Variants in RSRC1 observed in about 807,000 individuals in gnomAD.
RSRC1 encodes serine/Arginine-related protein 53.
RSRC1 carries 39 observed loss-of-function variants against 49.1 expected under a neutral mutation model. The observed-to-expected ratio is 0.79, with a 90% CI of 0.61 to 1.04. The LOEUF (loss-of-function observed/expected upper bound fraction) is 1.04. Ranked by LOEUF, RSRC1 falls within the 50% of genes least tolerant of loss-of-function variation. RSRC1 has a pLI of 0.00. For missense variants in RSRC1, 388 were observed against 402.4 expected (o/e 0.96, Z 0.31); for synonymous variants, 143 against 130.8 (o/e 1.09, Z -0.63).
chr3:158,254,557 G>T (rs1274285838), intron 4 of RSRC1, among the ~76,000 whole-genome samples: 1 of 151,784 alleles, frequency 6.6e-6, no homozygotes. Flanking sequence ...TCACCCTCCC[G>T]AGTAGCTGGG....
At chr3:158,443,171 C>T (rs745781216) in intron 6 of RSRC1, among the ~76,000 whole-genome samples, 1 of 152,094 alleles carries the variant, frequency 6.6e-6, no homozygotes, top group Non-Finnish European at 1.5e-5. Context: ...AGCTTAAAGT[C>T]ACCAGCTGCG....
At chr3:158,262,013 A>G (rs1370505648) in intron 4 of RSRC1, among the ~76,000 whole-genome samples, 3 of 152,228 alleles carry the variant, frequency 2.0e-5, no homozygotes, top group East Asian at 3.8e-4. Flanking sequence ...CATCCATGGA[A>G]AAATCGTCTT....
chr3:158,146,259 G>A (rs1350447227), intron 3 of RSRC1, among the ~76,000 whole-genome samples: 1 of 152,180 alleles, frequency 6.6e-6, no homozygotes, highest in Non-Finnish European at 1.5e-5. Context: ...GATATTGGCT[G>A]TGGGTTTGTC....
intron 4 of RSRC1, among the ~76,000 whole-genome samples, chr3:158,264,410 T>C (rs1578260204): frequency 1.3e-5 from 2 of 152,222 alleles, no homozygotes; most frequent in African/African-American, 4.8e-5. Flanking sequence ...TCCTTTTAAA[T>C]GTATTTAGAC....
At chr3:158,238,369 T>C (rs919798498) in intron 4 of RSRC1, among the ~76,000 whole-genome samples, 1 of 152,222 alleles carries the variant, frequency 6.6e-6, no homozygotes, top group Non-Finnish European at 1.5e-5. Flanking sequence ...AAAACTACTT[T>C]AAAGTTCATA....
At chr3:158,172,146 A>G (rs942079362) in intron 3 of RSRC1, among the ~76,000 whole-genome samples, 22 of 152,326 alleles carry the variant, frequency 1.4e-4, no homozygotes, top group African/African-American at 4.6e-4. Flanking sequence ...TGTAGAAAAC[A>G]TTTGAAGAAG....
At chr3:158,457,743 T>TGA (rs1560051404) in intron 6 of RSRC1, among the ~76,000 whole-genome samples, 2 of 123,996 alleles carry the variant, frequency 1.6e-5, no homozygotes, top group African/African-American at 7.1e-5. Flanking sequence ...TTTTTTTGTT[T>TGA]TTTTTTTTTG....
At position 158,396,646 on chromosome 3, in the gene RSRC1, CTA is replaced by C. The variant is rs572469973; in HGVS notation, c.583+41740_583+41741del. On this transcript the variant is annotated intron_variant, in intron 6 of 9. Transcript: ENST00000611884. ...TAATGGCAAGACATACAAGAATTCT[CTA>C]TGGCAAACTGTAGTGCCGTGGTATG... Among the ~76,000 whole-genome samples, 799 of 152,174 alleles carry C rather than the reference CTA, an allele frequency of 5.3e-3. 2 individuals are homozygous for C. Among genetic ancestry groups the C allele is most frequent in the Non-Finnish European group, 9.5e-3 (644 of 67,986 alleles).
At position 158,225,599 on chromosome 3, in the gene RSRC1, C is replaced by T. The variant is rs16828806; in HGVS notation, c.494+22354C>T. ...TGGAGGCAATTAAAAGTTATAAAGA[C>T]GGATTAAAGTAGAAGCATCATAGGT... On this transcript the variant is annotated intron_variant, in intron 4 of 9. Transcript: ENST00000611884. 1,367 of 383,426 alleles carry T rather than the reference C, an allele frequency of 3.6e-3. 22 individuals carry two copies. The highest frequency in any genetic ancestry group is 0.026 in the African/African-American group (1,193 of 46,126). 23.8% of individuals were successfully genotyped at this position (383,426 alleles called of 1,614,324 possible).
intron 4 of RSRC1, among the ~76,000 whole-genome samples, chr3:158,288,316 G>C (rs1162677451): frequency 1.3e-5 from 2 of 152,050 alleles, no homozygotes; most frequent in Non-Finnish European, 2.9e-5. Context: ...TAACACATCT[G>C]ATCATTTTTC....
chr3:158,264,899 T>A (rs1725084840), intron 4 of RSRC1, among the ~76,000 whole-genome samples: 1 of 152,250 alleles, frequency 6.6e-6, no homozygotes. Flanking sequence ...CACCAGGCAG[T>A]AATCTCCAAT....
intron 1 of RSRC1, among the ~76,000 whole-genome samples, chr3:158,114,687 T>C (rs1413303426): frequency 6.6e-6 from 1 of 152,180 alleles, no homozygotes; most frequent in African/African-American, 2.4e-5. Flanking sequence ...GAGCAGTGGT[T>C]TGTAGTTCTC....
Position 158,545,422 on chromosome 3 carries a change from A to C in RSRC1, c.*1147A>C, listed in dbSNP as rs944291816. On this transcript the variant is annotated 3_prime_UTR_variant, in exon 10 of 10. Transcript: ENST00000611884. ...TTCACCATTTTAGCCAGGATGGTCT[A>C]TTTTCTTCTGTTGTCCAGTCACTAA... The C allele has an allele frequency of 6.6e-6, 1 of 151,492 alleles. No individual in the cohort carries two copies. Among genetic ancestry groups the C allele is most frequent in the East Asian group, 1.9e-4 (1 of 5,160 alleles). 9.4% of individuals were successfully genotyped at this position (151,492 alleles called of 1,614,324 possible).
chr3:158,507,266 T>A (rs1245994577), intron 7 of RSRC1, among the ~76,000 whole-genome samples: 2 of 152,072 alleles, frequency 1.3e-5, no homozygotes, highest in African/African-American at 4.8e-5. Flanking sequence ...AGAAGTTGGT[T>A]AAAGAGTACA....
chr3:158,470,334 AC>A (rs1738073860), intron 7 of RSRC1, among the ~76,000 whole-genome samples: 1 of 111,356 alleles, frequency 9.0e-6, no homozygotes, highest in African/African-American at 4.0e-5. Context: ...ACACACACAC[AC>A]ACACACACAC....
intron 7 of RSRC1, among the ~76,000 whole-genome samples, chr3:158,536,160 C>T (rs1712702599): frequency 6.6e-6 from 1 of 151,458 alleles, no homozygotes; most frequent in East Asian, 1.9e-4. Flanking sequence ...GTAGGAATGA[C>T]ACAGCGTCAC....
chr3:158,155,833 A>G (rs1332674443), intron 3 of RSRC1, among the ~76,000 whole-genome samples: 2 of 152,176 alleles, frequency 1.3e-5, no homozygotes, highest in Non-Finnish European at 2.9e-5. Context: ...CTTACATGCT[A>G]TCATCCAGGC....
At chr3:158,402,416 A>G (rs1253775526) in intron 6 of RSRC1, among the ~76,000 whole-genome samples, 1 of 151,880 alleles carries the variant, frequency 6.6e-6, no homozygotes, top group African/African-American at 2.4e-5. Context: ...AGTATCATCA[A>G]TATTCAAAAA....
intron 6 of RSRC1, among the ~76,000 whole-genome samples, chr3:158,386,826 C>CAA (rs56825777): frequency 6.5e-5 from 8 of 123,428 alleles, no homozygotes; most frequent in Non-Finnish European, 8.9e-5. Context: ...TTCACTAGAC[C>CAA]AAAAAAAAAA....
Sources: gnomAD v4.1 joint callset for allele counts (sites outside exome capture counted in the v4.1 genomes callset) on GRCh38, gnomAD v4.1.1 for gene constraint, MANE v1.5 for transcripts, NCBI Gene and HGNC (gene_info 2026-07-23, HGNC 2026-07-21) for gene names.